The following WBP1L variants were observed in gnomAD, a reference collection of about 807,000 sequenced individuals.
WBP1L encodes WW domain binding protein 1-like.
In WBP1L, 17 loss-of-function variants were observed where a neutral mutation model predicts 33.7. The observed-to-expected ratio is 0.50, with a 90% CI of 0.34 to 0.76. The LOEUF is 0.76. Ranked by LOEUF, WBP1L falls within the 30% of genes least tolerant of loss-of-function variation. WBP1L has a pLI of 0.01. For synonymous variants in WBP1L, 173 were observed against 190.8 expected (o/e 0.91, Z 0.77); for missense variants, 389 against 469.4 (o/e 0.83, Z 1.58).
chr10:102,765,943 A>C (rs376007386), intron 1 of WBP1L, among the ~76,000 whole-genome samples: 27 of 152,156 alleles, frequency 1.8e-4, no homozygotes, highest in African/African-American at 5.1e-4. Context: ...TTCCCACTTA[A>C]TATAGACCAT....
At chr10:102,775,269 A>C (rs1843244664) in intron 1 of WBP1L, among the ~76,000 whole-genome samples, 1 of 152,088 alleles carries the variant, frequency 6.6e-6, no homozygotes, top group African/African-American at 2.4e-5. Context: ...AGGCCGAGGG[A>C]GAGCTGCTGT....
At chr10:102,784,529 C>T (rs1396526817) in intron 1 of WBP1L, among the ~76,000 whole-genome samples, 2 of 150,214 alleles carry the variant, frequency 1.3e-5, no homozygotes, top group East Asian at 2.0e-4. Context: ...GGGTTCACGC[C>T]TTTCTCCTGC....
intron 1 of WBP1L, among the ~76,000 whole-genome samples, chr10:102,752,426 T>A (rs1842933147): frequency 6.6e-6 from 1 of 152,206 alleles, no homozygotes; most frequent in South Asian, 2.1e-4. Flanking sequence ...GCCTTTCAGG[T>A]TTGTTGATGT....
intron 1 of WBP1L, among the ~76,000 whole-genome samples, chr10:102,775,537 C>T (rs1338027661): frequency 6.6e-6 from 1 of 152,084 alleles, no homozygotes; most frequent in African/African-American, 2.4e-5. Context: ...CTTGTTGTAC[C>T]TTTTATAAGA....
chr10:102,810,015 C>A lies in WBP1L; in HGVS notation c.316C>A (p.Arg106=). 1 of 1,613,798 alleles carries A rather than the reference C, an allele frequency of 6.2e-7. No homozygotes were observed. ...RQHEINLIAY[R]EAHNYSALPF... Reference sequence around the variant, plus strand: ...ACATGAAATCAACCTGATCGCTTACCGAGAAGCCCACAATTACTCAGCGCT... The same window carrying A: ...ACATGAAATCAACCTGATCGCTTACAGAGAAGCCCACAATTACTCAGCGCT... Residue 106 remains arginine, a synonymous_variant, in exon 3 of 4, where the codon CGA becomes AGA. Coordinates refer to ENST00000448841, the MANE Select transcript of WBP1L (RefSeq NM_001083913.2).
intron 1 of WBP1L, among the ~76,000 whole-genome samples, chr10:102,782,878 G>A (rs750120824): frequency 1.3e-5 from 2 of 152,114 alleles, no homozygotes; most frequent in African/African-American, 2.4e-5. Flanking sequence ...ATAAGACTTC[G>A]GTTTCCTCTG....
intron 1 of WBP1L, chr10:102,776,118 C>G: frequency 7.4e-7 from 1 of 1,342,536 alleles, no homozygotes; most frequent in Non-Finnish European, 9.6e-7. Context: ...ATGTCATTTC[C>G]CCCTTGGCAG....
intron 1 of WBP1L, among the ~76,000 whole-genome samples, chr10:102,764,657 C>T (rs1843086393): frequency 6.6e-6 from 1 of 152,136 alleles, no homozygotes; most frequent in Admixed American, 6.6e-5. Context: ...GCTTCCCCAC[C>T]CTCTACAACT....
chr10:102,766,764 G>A (rs145583731), intron 1 of WBP1L, among the ~76,000 whole-genome samples: 6,967 of 152,038 alleles, frequency 0.046, 199 homozygotes, highest in South Asian at 0.092. Context: ...CTCAGGAGGC[G>A]GAGGTTGCAG....
intron 2 of WBP1L, among the ~76,000 whole-genome samples, chr10:102,809,434 C>T (rs1843794005): frequency 6.6e-6 from 1 of 151,948 alleles, no homozygotes; most frequent in Non-Finnish European, 1.5e-5. Context: ...TGCAGTGGCG[C>T]AATCTTGGCT....
chr10:102,763,282 A>G (rs1261685950), intron 1 of WBP1L, among the ~76,000 whole-genome samples: 1 of 151,334 alleles, frequency 6.6e-6, no homozygotes, highest in Non-Finnish European at 1.5e-5. Flanking sequence ...ACAGATGTTC[A>G]GTTAGAGAGT....
intron 1 of WBP1L, among the ~76,000 whole-genome samples, chr10:102,778,118 C>T (rs551439859): frequency 2.6e-5 from 4 of 152,238 alleles, no homozygotes; most frequent in South Asian, 2.1e-4. Flanking sequence ...AGGGATTCCA[C>T]GAAAGAATGT....
intron 1 of WBP1L, among the ~76,000 whole-genome samples, chr10:102,797,081 T>C (rs1843582812): frequency 6.6e-6 from 1 of 152,212 alleles, no homozygotes; most frequent in Non-Finnish European, 1.5e-5. Flanking sequence ...ATCTAGCAGA[T>C]TGAAATTAGA....
chr10:102,774,528 C>T (rs977123651), intron 1 of WBP1L, among the ~76,000 whole-genome samples: 1 of 152,156 alleles, frequency 6.6e-6, no homozygotes, highest in Admixed American at 6.5e-5. Context: ...GTGACCTTGA[C>T]CATCATTGGG....
rs776715848 is a variant in WBP1L at position 102,813,371 on chromosome 10, C to T, written c.*40C>T. On this transcript the variant is annotated 3_prime_UTR_variant, in exon 4 of 4. Transcript: ENST00000448841. Reference sequence around the variant, plus strand: ...GCACCCAGCAACTTGGCAAAGCAACCAGGGTAGGGGAGAACCACGAGAGAA... The same window carrying T: ...GCACCCAGCAACTTGGCAAAGCAACTAGGGTAGGGGAGAACCACGAGAGAA... 6.4e-7 allele frequency: 1 copy of T among 1,573,632 alleles called. No individual in the cohort carries two copies. Among genetic ancestry groups the T allele is most frequent in the Non-Finnish European group, 8.6e-7 (1 of 1,159,204 alleles).
chr10:102,783,555 T>C (rs1564762393), intron 1 of WBP1L, among the ~76,000 whole-genome samples: 1 of 152,214 alleles, frequency 6.6e-6, no homozygotes, highest in Non-Finnish European at 1.5e-5. Flanking sequence ...CAAGACTGGC[T>C]AAAACACGGT....
At chr10:102,798,961 T>A (rs964618872) in intron 2 of WBP1L, among the ~76,000 whole-genome samples, 1 of 152,222 alleles carries the variant, frequency 6.6e-6, no homozygotes, top group African/African-American at 2.4e-5. Flanking sequence ...CTCCTTTTAT[T>A]TCTTACCCAG....
At chr10:102,784,893 C>T (rs1387320934) in intron 1 of WBP1L, among the ~76,000 whole-genome samples, 2 of 126,116 alleles carry the variant, frequency 1.6e-5, no homozygotes, top group African/African-American at 3.1e-5. Context: ...TTTTTTAGGG[C>T]GGGGACAGAG....
chr10:102,787,092 G>C (rs1179355829), intron 1 of WBP1L, among the ~76,000 whole-genome samples: 2 of 152,190 alleles, frequency 1.3e-5, no homozygotes, highest in African/African-American at 4.8e-5. Flanking sequence ...ACTGAATTCA[G>C]CCAAACAGCA....
Sources: allele counts gnomAD v4.1 joint callset (sites outside exome capture counted in the v4.1 genomes callset), GRCh38; gene constraint gnomAD v4.1.1; transcripts MANE v1.5; gene names NCBI Gene and HGNC (gene_info 2026-07-23, HGNC 2026-07-21).